TASP1: variants seen among roughly 807,000 people sequenced by gnomAD.
The protein encoded by TASP1 is taspase 1, also known as threonine aspartase 1.
A neutral mutation model predicts 56.6 loss-of-function variants in TASP1; 16 were observed. The ratio of observed to expected loss-of-function variants is 0.28; its 90% CI spans 0.19 to 0.43. The LOEUF (loss-of-function observed/expected upper bound fraction) is 0.43, where lower values mean the gene tolerates loss of function less well. Ranked by LOEUF, TASP1 falls within the 20% of genes least tolerant of loss-of-function variation. TASP1 has a pLI of 1.00. For missense variants in TASP1, 393 were observed against 511.6 expected, an observed-to-expected ratio of 0.77 and a Z score of 2.24; for synonymous variants, 179 against 184.2, an observed-to-expected ratio of 0.97 and a Z score of 0.23.
chr20:13,118,866 T>C, the TASP1 span, among the ~76,000 whole-genome samples: 1 of 152,272 alleles, frequency 6.6e-6, no homozygotes, highest in Admixed American at 6.5e-5. Flanking sequence ...TTCTGGCCAC[T>C]GGCCCTGCCA....
intron 4 of TASP1, among the ~76,000 whole-genome samples, chr20:13,595,706 G>A (rs190636131): frequency 3.9e-5 from 6 of 152,182 alleles, no homozygotes; most frequent in African/African-American, 1.4e-4. Flanking sequence ...CCAAATACAA[G>A]AGCACCCAGA....
the TASP1 span, among the ~76,000 whole-genome samples, chr20:13,225,868 A>G: frequency 6.6e-6 from 1 of 152,200 alleles, no homozygotes; most frequent in East Asian, 1.9e-4. Flanking sequence ...ATGATAAAAC[A>G]TACATAGATA....
At chr20:13,392,866 G>A (rs1188854828) in intron 13 of TASP1, 1 of 668,076 alleles carries the variant, frequency 1.5e-6, no homozygotes, top group Non-Finnish European at 2.7e-6. Flanking sequence ...GGCTGAGAAT[G>A]GGAAGCTTGT....
At chr20:13,550,796 T>C (rs1020685763) in intron 8 of TASP1, among the ~76,000 whole-genome samples, 1 of 152,076 alleles carries the variant, frequency 6.6e-6, no homozygotes, top group Admixed American at 6.6e-5. Context: ...TGCCATGCAT[T>C]CACTCAGTTT....
chr20:13,188,742 A>G, the TASP1 span, among the ~76,000 whole-genome samples: 1 of 152,240 alleles, frequency 6.6e-6, no homozygotes, highest in Non-Finnish European at 1.5e-5. Context: ...AAGCCTGAGC[A>G]AAAAGAACAA....
intron 11 of TASP1, among the ~76,000 whole-genome samples, chr20:13,482,470 C>T (rs988679974): frequency 6.6e-6 from 1 of 152,136 alleles, no homozygotes; most frequent in Non-Finnish European, 1.5e-5. Flanking sequence ...ATAGGGATTG[C>T]ATTGAATCTT....
the TASP1 span, among the ~76,000 whole-genome samples, chr20:13,128,101 A>G: frequency 0.029 from 4,486 of 152,350 alleles, 211 homozygotes; most frequent in African/African-American, 0.1. Context: ...TTTTGTGAGA[A>G]GTAGGCAAAT....
the TASP1 span, among the ~76,000 whole-genome samples, chr20:13,200,177 C>T: frequency 1.3e-5 from 2 of 151,886 alleles, no homozygotes; most frequent in African/African-American, 4.8e-5. Flanking sequence ...AACAACAATC[C>T]GAGACATAAC....
At chr20:13,360,374 C>A in the TASP1 span, among the ~76,000 whole-genome samples, 1 of 151,672 alleles carries the variant, frequency 6.6e-6, no homozygotes, top group Non-Finnish European at 1.5e-5. Context: ...CATCTGTTAC[C>A]TATCTCGGCA....
chr20:13,319,682 G>T, the TASP1 span, among the ~76,000 whole-genome samples: 1 of 152,194 alleles, frequency 6.6e-6, no homozygotes, highest in Non-Finnish European at 1.5e-5. Flanking sequence ...AGAAACATGG[G>T]TTAAGTTTTG....
the TASP1 span, among the ~76,000 whole-genome samples, chr20:13,302,196 T>G: frequency 6.6e-6 from 1 of 152,182 alleles, no homozygotes; most frequent in South Asian, 2.1e-4. Context: ...ATGTGAGCCA[T>G]GCTGTCCATG....
chr20:13,158,358 C>T, the TASP1 span, among the ~76,000 whole-genome samples: 4,598 of 152,156 alleles, frequency 0.03, 209 homozygotes, highest in African/African-American at 0.1. Flanking sequence ...CAAAAATGCT[C>T]CAGGGAGACG....
the TASP1 span, among the ~76,000 whole-genome samples, chr20:13,278,865 C>A: frequency 6.6e-6 from 1 of 152,188 alleles, no homozygotes; most frequent in Non-Finnish European, 1.5e-5. Flanking sequence ...GACCTTGGTT[C>A]TCCTCCATGC....
At chr20:13,437,996 T>C (rs891339127) in intron 11 of TASP1, among the ~76,000 whole-genome samples, 3 of 151,948 alleles carry the variant, frequency 2.0e-5, no homozygotes, top group Non-Finnish European at 2.9e-5. Flanking sequence ...CTTCACAGAA[T>C]TGGAAAAAAC....
intron 12 of TASP1, among the ~76,000 whole-genome samples, chr20:13,418,634 T>C (rs1207988028): frequency 2.0e-5 from 3 of 152,212 alleles, no homozygotes; most frequent in South Asian, 2.1e-4. Flanking sequence ...GCTATTTACA[T>C]AGCTTCAAAG....
chr20:13,250,354 CG>C, the TASP1 span, among the ~76,000 whole-genome samples: 2 of 152,112 alleles, frequency 1.3e-5, no homozygotes, highest in African/African-American at 4.8e-5. Context: ...GGCTCAGAGT[CG>C]ATTCAGCTTG....
At chr20:13,554,677 C>T (rs568909290) in intron 8 of TASP1, among the ~76,000 whole-genome samples, 2 of 151,850 alleles carry the variant, frequency 1.3e-5, no homozygotes, top group African/African-American at 4.8e-5. Flanking sequence ...TTTTGGTTTC[C>T]GAGTGCACAT....
chr20:13,476,446 T>C (rs529438092), intron 11 of TASP1, among the ~76,000 whole-genome samples: 2 of 152,216 alleles, frequency 1.3e-5, no homozygotes, highest in Admixed American at 1.3e-4. Flanking sequence ...AGATTATTTG[T>C]AGTCAGAAGA....
chr20:13,362,014 C>A, the TASP1 span, among the ~76,000 whole-genome samples: 3 of 149,364 alleles, frequency 2.0e-5, no homozygotes, highest in Admixed American at 1.3e-4. Context: ...TTCTATACCA[C>A]AAATGTTTCT....
Sources: gnomAD v4.1 joint callset for allele counts (sites outside exome capture counted in the v4.1 genomes callset) on GRCh38, gnomAD v4.1.1 for gene constraint, MANE v1.5 for transcripts, NCBI Gene and HGNC (gene_info 2026-07-23, HGNC 2026-07-21) for gene names.